Variants in HDAC3 observed in about 807,000 individuals in gnomAD.
The protein encoded by HDAC3 is histone deacetylase 3.
In HDAC3, 21 loss-of-function variants were observed where a neutral mutation model predicts 62.3. The ratio of observed to expected loss-of-function variants is 0.34; its 90% confidence interval spans 0.24 to 0.49. The LOEUF (loss-of-function observed/expected upper bound fraction) is 0.49, where lower values mean the gene tolerates loss of function less well. HDAC3 is among the 20% of genes least tolerant of loss of function. HDAC3 has a pLI of 0.99. For synonymous variants in HDAC3, 198 were observed against 206.5 expected (o/e 0.96, Z 0.35); for missense variants, 270 against 556.9 (o/e 0.48, Z 5.19).
Position 141,636,826 on chromosome 5 carries a change from C to A in HDAC3, c.-36G>T. The A allele has an allele frequency of 6.8e-7, 1 of 1,479,682 alleles. No individual in the cohort carries two copies. The highest frequency in any genetic ancestry group is 1.4e-5 in the South Asian group (1 of 69,226). 91.7% of individuals were successfully genotyped at this position (1,479,682 alleles called of 1,614,324 possible). On this transcript the variant is annotated 5_prime_UTR_variant, in exon 1 of 15. Transcript: ENST00000305264. Reference sequence around the variant, plus strand: ...GGAGCAGGCCCCGCACCTCCGCCGCCCGCCGCCCGCGGCCGCCGCCAGCCC... The same window carrying A: ...GGAGCAGGCCCCGCACCTCCGCCGCACGCCGCCCGCGGCCGCCGCCAGCCC...
Position 141,628,527 on chromosome 5 carries a change from C to T in HDAC3, c.691+32G>A. 6.4e-7 allele frequency: 1 copy of T among 1,557,546 alleles called. No homozygotes were observed. The highest frequency in any genetic ancestry group is 8.9e-7 in the Non-Finnish European group (1 of 1,128,620). ...TATTTCAAGGAGAAAAAGAAGGGGC[C>T]TAGGGAACAGAGGGAAGACTTCGGT... On this transcript the variant is annotated intron_variant, in intron 8 of 14. Transcript: ENST00000305264. This position sits in a 1 kb window ranked among gnomAD's most constrained non-coding sequence, Gnocchi z 4.7.
chr5:141,629,999 C>T lies in HDAC3; in HGVS notation c.363+45G>A. On this transcript the variant is annotated intron_variant, in intron 4 of 14. Transcript: ENST00000305264. The surrounding 1 kb of genome is among the most constrained non-coding windows in gnomAD (Gnocchi z 5.3). ...CAGGATCAGGGTTAAATCCCGAGTC[C>T]AGGGATCCAGAGGAAAGGAAGAACA... The T allele has an allele frequency of 1.9e-6, 3 of 1,612,966 alleles. No homozygotes were observed. The South Asian group carries it at 3.3e-5, about 18-fold the overall frequency.
In HDAC3 at chr5:141,626,768, A is replaced by ATGTGTG. The variant is rs533488025; in HGVS notation, c.831-491_831-486dup. The stretch of plus-strand genomic sequence containing the variant: ...AAAAAAGAAAAAAAAAAACATATAT[A>ATGTGTG]TGTGTGTGTGTGTGTGTATATATAT... On this transcript the variant is annotated intron_variant, in intron 10 of 14. Transcript: ENST00000305264. The surrounding 1 kb of genome is among the most constrained non-coding windows in gnomAD (Gnocchi z 4.6). Among the ~76,000 whole-genome samples, 1 of 133,216 alleles carries ATGTGTG rather than the reference A, an allele frequency of 7.5e-6. No homozygotes were observed. The highest frequency in any genetic ancestry group is 1.6e-5 in the Non-Finnish European group (1 of 64,190). The allele number at this position is 133,216 out of a possible 152,430, so 87.4% of individuals were successfully genotyped here. A position where few individuals can be genotyped will look rare whatever the true frequency, so the allele number is the denominator to read the frequency against.
intron 2 of HDAC3, chr5:141,635,794 G>C (rs1339996018): frequency 1.3e-5 from 2 of 152,146 alleles, no homozygotes; most frequent in Non-Finnish European, 2.9e-5. Flanking sequence ...ATTTTTTGTA[G>C]ATGTGGGTCC....
In HDAC3 at chr5:141,625,660, T is replaced by A. The variant is rs2099904336; in HGVS notation, c.1059+25A>T. On this transcript the variant is annotated intron_variant, in intron 13 of 14. Transcript: ENST00000305264. This position sits in a 1 kb window ranked among gnomAD's most constrained non-coding sequence, Gnocchi z 4.0. ...GGCTCCACCTTTCAGGAGAAGTTTG[T>A]GCTCAGCTTTTCTGAGCTGCTGACC... 7 of 1,607,462 alleles carry A rather than the reference T, an allele frequency of 4.4e-6. No individual in the cohort carries two copies. The East Asian group carries it at 1.6e-4, about 36-fold the overall frequency.
At chr5:141,630,645 T>C (rs1237563250) in intron 3 of HDAC3, among the ~76,000 whole-genome samples, 4 of 152,228 alleles carry the variant, frequency 2.6e-5, no homozygotes, top group African/African-American at 7.2e-5. Context: ...ACCATTGTTA[T>C]TCTTTATAAA....
Position 141,625,696 on chromosome 5 carries a change from T to A in HDAC3, c.1048A>T (p.Asn350Tyr). ...TCTGAGCTGCTGACCTGGCGTGAGT[T>A]CTGATTCTCGATGCGGGTGCTGACA... ...PDVSTRIENQ[N>Y]SRQYLDQIRQ... The change falls in exon 13 of 15, where the codon AAC (asparagine) becomes TAC (tyrosine). Residue 350 changes from asparagine to tyrosine, a missense_variant. Asn to Tyr is a moderately radical substitution (Grantham distance 143). Around this residue, in one of 5 missense-constraint regions of HDAC3, gnomAD observed 156 missense variants for 383.9 expected, o/e 0.41. Coordinates refer to ENST00000305264, the MANE Select transcript of HDAC3 (RefSeq NM_003883.4). This position sits in a 1 kb window ranked among gnomAD's most constrained non-coding sequence, Gnocchi z 4.0. 6.2e-7 allele frequency: 1 copy of A among 1,614,172 alleles called. No homozygotes were observed. Among genetic ancestry groups the A allele is most frequent in the Non-Finnish European group, 8.5e-7 (1 of 1,179,996 alleles).
rs1175086711 is a variant in HDAC3, at chr5:141,629,458, C to G, written c.477-152G>C. On this transcript the variant is annotated intron_variant, in intron 6 of 14. Transcript: ENST00000305264. This position sits in a 1 kb window ranked among gnomAD's most constrained non-coding sequence, Gnocchi z 5.3. The stretch of plus-strand genomic sequence containing the variant: ...GTTCCCTAAAGGCAACTGGGGGCTC[C>G]AGCCTAGAGGCTAGAGGCAGGGACA... 1.0e-5 allele frequency: 11 copies of G among 1,104,030 alleles called. No homozygotes were observed. The Admixed American group carries it at 2.4e-4, about 24-fold the overall frequency. The allele number at this position is 1,104,030 out of a possible 1,614,324, so 68.4% of individuals were successfully genotyped here.
rs1322996288 is a variant in HDAC3 at position 141,636,793 on chromosome 5, T to C, written c.-3A>G. 3 of 1,604,030 alleles carry C rather than the reference T, an allele frequency of 1.9e-6. No individual in the cohort carries two copies. Among genetic ancestry groups the C allele is most frequent in the South Asian group, 1.1e-5 (1 of 89,864 alleles). ...AAATAGGCCACGGTCTTGGCCATGG[T>C]GCCGGCGGGAGCAGGCCCCGCACCT... On this transcript the variant is annotated 5_prime_UTR_variant, in exon 1 of 15. Coordinates refer to ENST00000305264, the MANE Select transcript of HDAC3 (RefSeq NM_003883.4).
rs2099903682 is a variant in HDAC3 at position 141,621,385 on chromosome 5, G to A, written c.*83C>T. 1 of 1,282,954 alleles carries A rather than the reference G, an allele frequency of 7.8e-7. No homozygotes were observed. The highest frequency in any genetic ancestry group is 1.5e-5 in the African/African-American group (1 of 68,356). The allele number at this position is 1,282,954 out of a possible 1,614,324, so 79.5% of individuals were successfully genotyped here. A position where few individuals can be genotyped will look rare whatever the true frequency, so the allele number is the denominator to read the frequency against. On this transcript the variant is annotated 3_prime_UTR_variant, in exon 15 of 15. Coordinates refer to ENST00000305264, the MANE Select transcript of HDAC3 (RefSeq NM_003883.4). ...GCAAAAGCCCTGGGGTGACCCCCAG[G>A]ACTCTAGGAGCCACTCCTTTTCCCT...
rs2099904264 is a variant in HDAC3, at chr5:141,625,031, C to T, written c.1217+177G>A. 4 of 649,992 alleles carry T rather than the reference C, an allele frequency of 6.2e-6. No individual in the cohort carries two copies. The highest frequency in any genetic ancestry group is 2.2e-5 in the South Asian group (1 of 45,698). The allele number at this position is 649,992 out of a possible 1,614,324, so 40.3% of individuals were successfully genotyped here. On this transcript the variant is annotated intron_variant, in intron 14 of 14. Transcript: ENST00000305264. The surrounding 1 kb of genome is among the most constrained non-coding windows in gnomAD (Gnocchi z 4.0). ...ATTTTGGTGCTGTTTTAAAATTTTG[C>T]AATAAATACGTGTTACTTTTGTCAT... is the stretch of plus-strand genomic sequence containing the variant.
In HDAC3 at chr5:141,626,129, G is replaced by A. The variant is rs2099904397; in HGVS notation, c.921-58C>T. On this transcript the variant is annotated intron_variant, in intron 11 of 14. Coordinates refer to ENST00000305264, the MANE Select transcript of HDAC3 (RefSeq NM_003883.4). The surrounding 1 kb of genome is among the most constrained non-coding windows in gnomAD (Gnocchi z 4.6). ...CCAAGTGGGCTGAAGGACCCATGTG[G>A]CCATATCTGAGGGACACCCTAGCTC... is the stretch of plus-strand genomic sequence containing the variant. 4 of 1,600,694 alleles carry A rather than the reference G, an allele frequency of 2.5e-6. No homozygotes were observed. The highest frequency in any genetic ancestry group is 2.6e-6 in the Non-Finnish European group (3 of 1,167,854).
chr5:141,631,766 A>G (rs980611180), intron 3 of HDAC3, among the ~76,000 whole-genome samples: 30 of 152,218 alleles, frequency 2.0e-4, no homozygotes, highest in Admixed American at 1.7e-3. Flanking sequence ...AAGTGTCCTC[A>G]TCGGTAAAAG....
intron 3 of HDAC3, among the ~76,000 whole-genome samples, chr5:141,633,221 G>A (rs2099905488): frequency 6.6e-6 from 1 of 152,048 alleles, no homozygotes; most frequent in Admixed American, 6.5e-5. Flanking sequence ...TCAAGGGGGT[G>A]ACAGAAAAGC....
Position 141,634,826 on chromosome 5 carries a change from T to A in HDAC3, c.266A>T (p.Asn89Ile). Reference protein sequence around the residue: ...QGFTKSLNAFNVGDDCPVFPG... With the variant: ...QGFTKSLNAFIVGDDCPVFPG... ...CCTCCCTCACCAGTCATCGCCTACG[T>A]TGAAGGCATTAAGACTCTTGGTGAA... Residue 89 changes from asparagine to isoleucine, a missense_variant, in exon 3 of 15, where the codon AAC (asparagine) becomes ATC (isoleucine). Asn to Ile is a moderately radical substitution (Grantham distance 149). Around this residue, in one of 5 missense-constraint regions of HDAC3, gnomAD observed 156 missense variants for 383.9 expected, o/e 0.41. Coordinates refer to ENST00000305264, the MANE Select transcript of HDAC3 (RefSeq NM_003883.4). The A allele has an allele frequency of 6.2e-7, 1 of 1,613,994 alleles. No homozygotes were observed. Among genetic ancestry groups the A allele is most frequent in the Non-Finnish European group, 8.5e-7 (1 of 1,179,916 alleles).
chr5:141,622,216 A>C (rs1425061174), intron 14 of HDAC3, among the ~76,000 whole-genome samples: 1 of 152,202 alleles, frequency 6.6e-6, no homozygotes, highest in Non-Finnish European at 1.5e-5. Context: ...TTTTAAGAAG[A>C]GTGACGTGGT....
intron 3 of HDAC3, 49 bp downstream of exon 3, chr5:141,634,762 G>A: frequency 6.3e-7 from 1 of 1,591,582 alleles, no homozygotes; most frequent in Non-Finnish European, 8.6e-7. Flanking sequence ...CCTCACTGAA[G>A]GGCTTGGCAT....
intron 2 of HDAC3, 40 bp downstream of exon 2, chr5:141,636,508 G>C (rs2099906034): frequency 1.3e-6 from 2 of 1,582,812 alleles, no homozygotes; most frequent in African/African-American, 1.3e-5. Context: ...GCCACAGCTC[G>C]CCCCACCCCC....
At chr5:141,623,464 G>C (rs1682938330) in intron 14 of HDAC3, among the ~76,000 whole-genome samples, 1 of 152,062 alleles carries the variant, frequency 6.6e-6, no homozygotes, top group Non-Finnish European at 1.5e-5. Flanking sequence ...ATAATGCAGA[G>C]ACTAGGTCCA....
Sources: gnomAD v4.1 joint callset for allele counts (sites outside exome capture counted in the v4.1 genomes callset) on GRCh38, gnomAD v4.1.1 for gene constraint, gnomAD v4.1.1 regional missense constraint, Gnocchi (gnomAD v3.1) non-coding constraint, MANE v1.5 for transcripts, NCBI Gene and HGNC (gene_info 2026-07-23, HGNC 2026-07-21) for gene names.